The following PCDHGA3 variants were observed in gnomAD, a reference collection of about 807,000 sequenced individuals.
PCDHGA3 encodes protocadherin gamma-A3.
In PCDHGA3, 40 loss-of-function variants were observed where a neutral mutation model predicts 58.5. That is an observed-to-expected ratio of 0.68 (90% CI 0.53 to 0.89). PCDHGA3 has a LOEUF of 0.89. Among genes scored for constraint, PCDHGA3 ranks in the 40% least tolerant of loss-of-function variants. The pLI is 0.00. For synonymous variants in PCDHGA3, 530 were observed against 525.7 expected (o/e 1.01, Z -0.11); for missense variants, 1,223 against 1,195.9 (o/e 1.02, Z -0.33).
At chr5:141,389,391 G>C (rs544096177) in intron 1 of PCDHGA3, 9 of 1,613,686 alleles carry the variant, frequency 5.6e-6, no homozygotes, top group African/African-American at 1.3e-5. Context: ...GTCATCCTAC[G>C]TGTCCATAAG....
At chr5:141,484,176 A>G (rs1044076131) in intron 1 of PCDHGA3, among the ~76,000 whole-genome samples, 1 of 152,236 alleles carries the variant, frequency 6.6e-6, no homozygotes, top group East Asian at 1.9e-4. Context: ...GCTGATCTCA[A>G]TCATTCAAGG....
intron 1 of PCDHGA3, chr5:141,404,308 C>G: frequency 1.2e-6 from 2 of 1,613,918 alleles, no homozygotes; most frequent in East Asian, 2.2e-5. Flanking sequence ...CACCTGCTTT[C>G]TCTCAAGCCT....
In PCDHGA3 at chr5:141,489,993, C is replaced by A; in HGVS notation, c.2425-4814C>A. 6.2e-7 allele frequency: 1 copy of A among 1,614,186 alleles called. No individual in the cohort carries two copies. The highest frequency in any genetic ancestry group is 1.1e-5 in the South Asian group (1 of 91,088). On this transcript the variant is annotated intron_variant, in intron 1 of 3. Transcript: ENST00000253812. The surrounding 1 kb of genome is among the most constrained non-coding windows in gnomAD (Gnocchi z 4.5). ...AATCCTCAGTTCTACGTGTGGGAATCCCAGAGAATGCACCCATTGGTACTC... is the reference window on the plus strand; with the variant it reads ...AATCCTCAGTTCTACGTGTGGGAATACCAGAGAATGCACCCATTGGTACTC...
chr5:141,366,556 C>A (rs1764642074), intron 1 of PCDHGA3: 1 of 1,614,234 alleles, frequency 6.2e-7, no homozygotes, highest in Non-Finnish European at 8.5e-7. Flanking sequence ...ACTTTGTGGG[C>A]GTGGATGGGG....
At position 141,431,119 on chromosome 5, in the gene PCDHGA3, A is replaced by C. The variant is rs147514897; in HGVS notation, c.2425-63688A>C. 1.2e-6 allele frequency: 2 copies of C among 1,614,134 alleles called. No individual in the cohort carries two copies. The highest frequency in any genetic ancestry group is 2.7e-5 in the African/African-American group (2 of 74,956). ...ATAAAGTGAAAATATATGGAGTAGA[A>C]GTAGAAGTAAGGGACATTAACGACA... On this transcript the variant is annotated intron_variant, in intron 1 of 3. Coordinates refer to ENST00000253812, the MANE Select transcript of PCDHGA3 (RefSeq NM_018916.4). The surrounding 1 kb of genome is among the most constrained non-coding windows in gnomAD (Gnocchi z 4.8).
chr5:141,478,724 G>T, intron 1 of PCDHGA3: 2 of 1,542,774 alleles, frequency 1.3e-6, no homozygotes, highest in Non-Finnish European at 1.8e-6. Context: ...TGGCCTGCCA[G>T]AGTGTGGTTT....
At chr5:141,455,860 ATTATTTATTTATTTATTTAT>A (rs145569377) in intron 1 of PCDHGA3, among the ~76,000 whole-genome samples, 117 of 139,848 alleles carry the variant, frequency 8.4e-4, no homozygotes, top group Non-Finnish European at 9.4e-4. Flanking sequence ...AATTTCTTTT[ATTATTTATTTATTTATTTAT>A]TTATTTATTT....
chr5:141,424,018 CACAA>C (rs909442976), intron 1 of PCDHGA3: 3 of 1,051,682 alleles, frequency 2.9e-6, no homozygotes, highest in South Asian at 4.6e-5. Context: ...ATTAATGATT[CACAA>C]ACACTTTTTA....
In PCDHGA3 at chr5:141,491,679, T is replaced by G. The variant is rs111288145; in HGVS notation, c.2425-3128T>G. 1 of 1,613,496 alleles carries G rather than the reference T, an allele frequency of 6.2e-7. No individual in the cohort carries two copies. Among genetic ancestry groups the G allele is most frequent in the Non-Finnish European group, 8.5e-7 (1 of 1,179,828 alleles). On this transcript the variant is annotated intron_variant, in intron 1 of 3. Coordinates refer to ENST00000253812, the MANE Select transcript of PCDHGA3 (RefSeq NM_018916.4). The surrounding 1 kb of genome is among the most constrained non-coding windows in gnomAD (Gnocchi z 6.9). ...CTGACGCCATCCGGTCCCGCTCTAA[T>G]ACGCTGCGGGAGCGGAGCCAGGTGA...
rs751214480 is a variant in PCDHGA3, at chr5:141,485,161, G to A, written c.2425-9646G>A. ...CGTCTCAGGAGCAAGTAGAGAATTA[G>A]CGGGCGGCAGCAATGCTCCGCAAGG... On this transcript the variant is annotated intron_variant, in intron 1 of 3. Transcript: ENST00000253812. The surrounding 1 kb of genome is among the most constrained non-coding windows in gnomAD (Gnocchi z 5.7). The A allele has an allele frequency of 8.1e-6, 13 of 1,603,712 alleles. No individual in the cohort carries two copies. The Admixed American group carries it at 2.0e-4, about 25-fold the overall frequency.
rs543116266 is a variant in PCDHGA3 at position 141,474,428 on chromosome 5, C to A, written c.2425-20379C>A. 3.9e-5 allele frequency among the ~76,000 whole-genome samples: 6 copies of A among 152,346 alleles called. 1 individual carries two copies. In the South Asian group the frequency reaches 1.0e-3, roughly 26 times the overall value. On this transcript the variant is annotated intron_variant, in intron 1 of 3. Coordinates refer to ENST00000253812, the MANE Select transcript of PCDHGA3 (RefSeq NM_018916.4). ...CGGTGATGCCTAGACCATTGGTCCT[C>A]ACACTTTGAGTAGCAAGTGATTGGG...
At chr5:141,409,276 G>A (rs1458443407) in intron 1 of PCDHGA3, 5 of 1,613,882 alleles carry the variant, frequency 3.1e-6, no homozygotes, top group African/African-American at 2.7e-5. Context: ...AGATTTTGGA[G>A]AATTCACCTC....
intron 1 of PCDHGA3, chr5:141,365,152 C>G: frequency 6.2e-7 from 1 of 1,613,880 alleles, no homozygotes. Context: ...AGGGAATAAA[C>G]GGGAAATTGA....
At chr5:141,423,790 T>C (rs1561813105) in intron 1 of PCDHGA3, 2 of 1,261,874 alleles carry the variant, frequency 1.6e-6, no homozygotes, top group Non-Finnish European at 1.0e-6. Context: ...TTCATATATA[T>C]TTAGAGCAAT....
chr5:141,486,506 A>C lies in PCDHGA3; in HGVS notation c.2425-8301A>C. The C allele has an allele frequency of 6.2e-7, 1 of 1,614,134 alleles. No individual in the cohort carries two copies. The highest frequency in any genetic ancestry group is 8.5e-7 in the Non-Finnish European group (1 of 1,180,006). Reference sequence around the variant, plus strand: ...TACCCACAGAACTATTTTCCTCAATATTTCAGATGTGAATGATAATCCACC... The same window carrying C: ...TACCCACAGAACTATTTTCCTCAATCTTTCAGATGTGAATGATAATCCACC... On this transcript the variant is annotated intron_variant, in intron 1 of 3. Transcript: ENST00000253812. The surrounding 1 kb of genome is among the most constrained non-coding windows in gnomAD (Gnocchi z 5.0).
chr5:141,481,781 G>A (rs957054361), intron 1 of PCDHGA3, among the ~76,000 whole-genome samples: 3 of 151,998 alleles, frequency 2.0e-5, no homozygotes, highest in Admixed American at 6.6e-5. Context: ...GTGAAACCCC[G>A]TCTCTACTAA....
Position 141,477,966 on chromosome 5 carries a change from G to A in PCDHGA3, c.2425-16841G>A, listed in dbSNP as rs2099426792. 6.2e-7 allele frequency: 1 copy of A among 1,614,118 alleles called. No individual in the cohort carries two copies. The highest frequency in any genetic ancestry group is 8.5e-7 in the Non-Finnish European group (1 of 1,180,036). ...AGTCTCTTGGGATCCCCTAACCAGAGCCTTTTTGCCATAGGGCTGCACACT... is the reference window on the plus strand; with the variant it reads ...AGTCTCTTGGGATCCCCTAACCAGAACCTTTTTGCCATAGGGCTGCACACT... On this transcript the variant is annotated intron_variant, in intron 1 of 3. Transcript: ENST00000253812. This position sits in a 1 kb window ranked among gnomAD's most constrained non-coding sequence, Gnocchi z 4.9.
At chr5:141,393,736 A>G in intron 1 of PCDHGA3, 1 of 1,613,892 alleles carries the variant, frequency 6.2e-7, no homozygotes, top group Non-Finnish European at 8.5e-7. Flanking sequence ...AAAAGTCTAG[A>G]TTATGAAGAA....
At chr5:141,394,797 G>A (rs551668843) in intron 1 of PCDHGA3, 2 of 1,613,798 alleles carry the variant, frequency 1.2e-6, no homozygotes, top group Admixed American at 1.7e-5. Flanking sequence ...CACGCTCACC[G>A]TAGCCGTGGC....
Sources: gnomAD v4.1 joint callset for allele counts (sites outside exome capture counted in the v4.1 genomes callset) on GRCh38, gnomAD v4.1.1 for gene constraint, Gnocchi (gnomAD v3.1) non-coding constraint, MANE v1.5 for transcripts, NCBI Gene and HGNC (gene_info 2026-07-23, HGNC 2026-07-21) for gene names.